Variants in SF3B1 observed in about 807,000 individuals in gnomAD.
The protein encoded by SF3B1 is splicing factor 3b subunit 1, also known as pre-mRNA processing 10.
SF3B1 carries 12 observed loss-of-function variants against 153.8 expected under a neutral mutation model. The ratio of observed to expected loss-of-function variants is 0.08; its 90% CI spans 0.05 to 0.13. The LOEUF (loss-of-function observed/expected upper bound fraction) is 0.13. Ranked by LOEUF, SF3B1 falls within the 10% of genes least tolerant of loss-of-function variation. The pLI, the probability that SF3B1 is intolerant of heterozygous loss-of-function variation, is 1.00. For synonymous variants in SF3B1, 498 were observed against 525.2 expected, an observed-to-expected ratio of 0.95 and a Z score of 0.71; for missense variants, 513 against 1,606.1, an observed-to-expected ratio of 0.32 and a Z score of 11.63.
chr2:197,411,219 C>A (rs1252895206), intron 6 of SF3B1, among the ~76,000 whole-genome samples: 1 of 152,146 alleles, frequency 6.6e-6, no homozygotes, highest in Non-Finnish European at 1.5e-5. Context: ...AATAGTTGGA[C>A]AACTGACTGC....
At position 197,402,074 on chromosome 2, in the gene SF3B1, A is replaced by G; in HGVS notation, c.2134T>C (p.Leu712=). The G allele has an allele frequency of 6.2e-7, 1 of 1,613,610 alleles. No individual in the cohort carries two copies. The highest frequency in any genetic ancestry group is 1.1e-5 in the South Asian group (1 of 91,042). ...RTISALAIAA[L]AEAATPYGIE... ...CCATAAGGAGTTGCTGCTTCAGCCA[A>G]GGCAGCAATGGCCAAAGCACTGATG... The change falls in exon 15 of 25, where the codon TTG becomes CTG. Residue 712 remains leucine, a synonymous_variant. Coordinates refer to ENST00000335508, the MANE Select transcript of SF3B1 (RefSeq NM_012433.4). This position sits in a 1 kb window ranked among gnomAD's most constrained non-coding sequence, Gnocchi z 4.6.
In SF3B1 at chr2:197,390,949, C is replaced by T. The variant is rs2084804544; in HGVS notation, c.*1354G>A. The T allele has an allele frequency of 6.6e-6, 1 of 152,146 alleles. No homozygotes were observed. The highest frequency in any genetic ancestry group is 6.5e-5 in the Admixed American group (1 of 15,282). The allele number at this position is 152,146 out of a possible 1,614,324, so 9.4% of individuals were successfully genotyped here. On this transcript the variant is annotated 3_prime_UTR_variant, in exon 25 of 25. Transcript: ENST00000335508. ...TCTGAAGCAGGAACTCCTAAAGTGT[C>T]AATAGGCAGTTTTACTTACAGTAGT... is the stretch of plus-strand genomic sequence containing the variant.
rs771471142 is a variant in SF3B1 at position 197,391,269 on chromosome 2, A to T, written c.*1034T>A. On this transcript the variant is annotated 3_prime_UTR_variant, in exon 25 of 25. Coordinates refer to ENST00000335508, the MANE Select transcript of SF3B1 (RefSeq NM_012433.4). Reference sequence around the variant, plus strand: ...TATTACTGAATACAAAGCTAAGCAAACCTAGACATTTTAGCTGCTGCCACT... The same window carrying T: ...TATTACTGAATACAAAGCTAAGCAATCCTAGACATTTTAGCTGCTGCCACT... 3 of 152,204 alleles carry T rather than the reference A, an allele frequency of 2.0e-5. No homozygotes were observed. The highest frequency in any genetic ancestry group is 4.4e-5 in the Non-Finnish European group (3 of 68,046). 9.4% of individuals were successfully genotyped at this position (152,204 alleles called of 1,614,324 possible). A position where few individuals can be genotyped will look rare whatever the true frequency, so the allele number is the denominator to read the frequency against.
At chr2:197,424,055 T>C in intron 1 of SF3B1, 81 bp from the exon 2 acceptor site, 4 of 1,154,126 alleles carry the variant, frequency 3.5e-6, no homozygotes, top group Non-Finnish European at 5.0e-6. Flanking sequence ...ACTAGGTAAT[T>C]ATCAAAATAC....
At chr2:197,394,238 A>G (rs1372575722) in intron 23 of SF3B1, among the ~76,000 whole-genome samples, 1 of 152,132 alleles carries the variant, frequency 6.6e-6, no homozygotes, top group African/African-American at 2.4e-5. Context: ...AGAGATAGGG[A>G]AGGCCTCGCT....
At position 197,401,640 on chromosome 2, in the gene SF3B1, G is replaced by A. The variant is rs567923771; in HGVS notation, c.2370+102C>T. Reference sequence around the variant, plus strand: ...TTTAAAAACAAATCAAACAGTATTCGTGTAACATACAGTTTTTTTTGTTGA... The same window carrying A: ...TTTAAAAACAAATCAAACAGTATTCATGTAACATACAGTTTTTTTTGTTGA... On this transcript the variant is annotated intron_variant, in intron 16 of 24. Transcript: ENST00000335508. This position sits in a 1 kb window ranked among gnomAD's most constrained non-coding sequence, Gnocchi z 4.2. 22 of 1,465,370 alleles carry A rather than the reference G, an allele frequency of 1.5e-5. No homozygotes were observed. The highest frequency in any genetic ancestry group is 1.8e-4 in the Middle Eastern group (1 of 5,634). 90.8% of individuals were successfully genotyped at this position (1,465,370 alleles called of 1,614,324 possible).
At chr2:197,428,607 C>A (rs1178689887) in intron 1 of SF3B1, among the ~76,000 whole-genome samples, 1 of 152,080 alleles carries the variant, frequency 6.6e-6, no homozygotes, top group Non-Finnish European at 1.5e-5. Flanking sequence ...AACTGCTTGG[C>A]AACTGGCTGA....
chr2:197,406,849 T>G (rs1247127899), intron 9 of SF3B1, among the ~76,000 whole-genome samples: 1 of 152,048 alleles, frequency 6.6e-6, no homozygotes, highest in Non-Finnish European at 1.5e-5. Flanking sequence ...CCCAGCAGTG[T>G]GGGAGGCCAA....
intron 6 of SF3B1, among the ~76,000 whole-genome samples, chr2:197,410,497 TGTAA>T (rs755811034): frequency 3.1e-4 from 43 of 140,538 alleles, no homozygotes; most frequent in Middle Eastern, 3.9e-3. Context: ...AGATCACCTA[TGTAA>T]TTTTTTTTTT....
intron 6 of SF3B1, among the ~76,000 whole-genome samples, chr2:197,416,106 A>T (rs1388970939): frequency 6.6e-6 from 1 of 151,550 alleles, no homozygotes; most frequent in Admixed American, 6.6e-5. Flanking sequence ...GCATGAGCCA[A>T]TGCATTCAGC....
intron 23 of SF3B1, 172 bp from the exon 24 acceptor site, chr2:197,393,360 A>G (rs1012378439): frequency 3.3e-6 from 2 of 610,230 alleles, no homozygotes; most frequent in Non-Finnish European, 5.9e-6. Flanking sequence ...TCATATATCT[A>G]ATATATCCTT....
chr2:197,410,027 T>C lies in SF3B1; in HGVS notation c.667-20A>G. The C allele has an allele frequency of 1.1e-5, 17 of 1,500,850 alleles. No homozygotes were observed. The highest frequency in any genetic ancestry group is 1.6e-5 in the Non-Finnish European group (17 of 1,090,932). 93.0% of individuals were successfully genotyped at this position (1,500,850 alleles called of 1,614,324 possible). A position where few individuals can be genotyped will look rare whatever the true frequency, so the allele number is the denominator to read the frequency against. On this transcript the variant is annotated intron_variant, in intron 6 of 24. Transcript: ENST00000335508. ...AGGGGTCTTAAAAAAGCAAAAAAATTTTATTTCACACACCCACACAGAAAT... is the reference window on the plus strand; with the variant it reads ...AGGGGTCTTAAAAAAGCAAAAAAATCTTATTTCACACACCCACACAGAAAT...
Position 197,392,328 on chromosome 2 carries a change from C to A in SF3B1, c.3890G>T (p.Arg1297Leu), listed in dbSNP as rs1352116876. 1 of 1,278,288 alleles carries A rather than the reference C, an allele frequency of 7.8e-7. No individual in the cohort carries two copies. The highest frequency in any genetic ancestry group is 1.2e-5 in the South Asian group (1 of 82,136). 79.2% of individuals were successfully genotyped at this position (1,278,288 alleles called of 1,614,324 possible). Reference protein sequence around the residue: ...IYNDDKNTYIRYELDYIL With the variant: ...IYNDDKNTYILYELDYIL ...TTATAAGATATAGTCAAGTTCATAA[C>A]GAATATAGGTGTTCTTATCATCGTT... Residue 1297 changes from arginine to leucine, a missense_variant, in exon 25 of 25, where the codon CGT becomes CTT. Transcript: ENST00000335508.
At chr2:197,409,376 GACA>G (rs983963831) in intron 7 of SF3B1, among the ~76,000 whole-genome samples, 4 of 151,510 alleles carry the variant, frequency 2.6e-5, no homozygotes, top group South Asian at 2.1e-4. Context: ...TTCCAGTCTG[GACA>G]ACAAGAGCAA....
intron 5 of SF3B1, 62 bp from the exon 6 acceptor site, chr2:197,416,973 G>T: frequency 6.7e-7 from 1 of 1,489,624 alleles, no homozygotes. Flanking sequence ...TACCATTAGC[G>T]CAATCACTTC....
chr2:197,407,868 G>T (rs1364306065), intron 9 of SF3B1, 130 bp downstream of exon 9: 2 of 727,762 alleles, frequency 2.7e-6, no homozygotes. Flanking sequence ...AAATATACCT[G>T]GAAATAGCTA....
At position 197,408,210 on chromosome 2, in the gene SF3B1, T is replaced by C. The variant is rs1298252138; in HGVS notation, c.1118-91A>G. ...TAAAAGACAGTTAAGATCAATCCTA[T>C]TATTTGCTTTTATATTATAAACGCA... On this transcript the variant is annotated intron_variant, in intron 8 of 24. Transcript: ENST00000335508. 5 of 1,309,624 alleles carry C rather than the reference T, an allele frequency of 3.8e-6. No homozygotes were observed. The African/African-American group carries it at 6.0e-5, about 16-fold the overall frequency. 81.1% of individuals were successfully genotyped at this position (1,309,624 alleles called of 1,614,324 possible).
chr2:197,417,219 T>C lies in SF3B1; in HGVS notation c.496-308A>G, dbSNP rs569839422. On this transcript the variant is annotated intron_variant, in intron 5 of 24. Coordinates refer to ENST00000335508, the MANE Select transcript of SF3B1 (RefSeq NM_012433.4). ...GAACCATAATGCTTCCACTGAAAAA[T>C]AGGGTTTTCTTCAAAACTCATATAA... Among the ~76,000 whole-genome samples the C allele has an allele frequency of 1.5e-3, 223 of 152,184 alleles. 1 individual carries two copies. The highest frequency in any genetic ancestry group is 4.8e-3 in the African/African-American group (201 of 41,518).
intron 5 of SF3B1, 139 bp downstream of exon 5, chr2:197,418,370 G>C (rs934337724): frequency 3.5e-6 from 2 of 564,028 alleles, no homozygotes; most frequent in African/African-American, 3.9e-5. Flanking sequence ...TAATTTGGGG[G>C]TAAGATTCTT....
Sources: gnomAD v4.1 joint callset for allele counts (sites outside exome capture counted in the v4.1 genomes callset) on GRCh38, gnomAD v4.1.1 for gene constraint, Gnocchi (gnomAD v3.1) non-coding constraint, MANE v1.5 for transcripts, NCBI Gene and HGNC (gene_info 2026-07-23, HGNC 2026-07-21) for gene names.